The following CCDC178 variants were observed in gnomAD, a reference collection of about 807,000 sequenced individuals.
CCDC178 encodes coiled-coil domain containing 178.
In CCDC178, 126 loss-of-function variants were observed where a neutral mutation model predicts 117.4. The ratio of observed to expected loss-of-function variants is 1.07; its 90% confidence interval spans 0.93 to 1.24. The LOEUF is 1.24. Among genes scored for constraint, CCDC178 ranks in the 50% most tolerant of loss-of-function variants. CCDC178 has a pLI of 0.00. For missense variants in CCDC178, 1,030 were observed against 986.9 expected (o/e 1.04, Z -0.59); for synonymous variants, 283 against 313.4 (o/e 0.90, Z 1.02).
intron 16 of CCDC178, among the ~76,000 whole-genome samples, chr18:33,226,044 C>T (rs1466178129): frequency 6.6e-6 from 1 of 152,094 alleles, no homozygotes; most frequent in Non-Finnish European, 1.5e-5. Flanking sequence ...GCCTGTAATC[C>T]CAGCTACTCG....
At chr18:33,140,780 G>A (rs1304480528) in intron 20 of CCDC178, among the ~76,000 whole-genome samples, 1 of 152,184 alleles carries the variant, frequency 6.6e-6, no homozygotes, top group Non-Finnish European at 1.5e-5. Context: ...GGGAAGGCAT[G>A]ATTGGTTTTG....
chr18:33,245,710 A>G (rs920175226), intron 14 of CCDC178, among the ~76,000 whole-genome samples: 1 of 151,862 alleles, frequency 6.6e-6, no homozygotes, highest in African/African-American at 2.4e-5. Flanking sequence ...TGAACATTCA[A>G]AATCCCTTCT....
intron 20 of CCDC178, among the ~76,000 whole-genome samples, chr18:33,201,978 T>A (rs2058994268): frequency 6.6e-6 from 1 of 152,172 alleles, no homozygotes; most frequent in South Asian, 2.1e-4. Context: ...AAGGTTTTTA[T>A]GTGTTCCCCT....
chr18:33,054,719 C>T (rs1307620482), intron 21 of CCDC178, among the ~76,000 whole-genome samples: 1 of 152,170 alleles, frequency 6.6e-6, no homozygotes, highest in Non-Finnish European at 1.5e-5. Context: ...GTGAAGAGTG[C>T]TGCAGTGAAC....
rs2063397184 is a variant in CCDC178 at position 33,378,811 on chromosome 18, T to C, written c.209-8622A>G. Among the ~76,000 whole-genome samples the C allele has an allele frequency of 5.3e-5, 8 of 152,168 alleles. No individual in the cohort carries two copies. The South Asian group carries it at 1.7e-3, about 31-fold the overall frequency. ...TTACTTGATCATGGTGAATTAACTT[T>C]TTGATGTGCTGCTGGATTCAGTTTG... On this transcript the variant is annotated intron_variant, in intron 5 of 22. Transcript: ENST00000383096.
chr18:33,349,114 A>AT, intron 7 of CCDC178, 139 bp from the exon 8 acceptor site: 1 of 516,852 alleles, frequency 1.9e-6, no homozygotes, highest in Non-Finnish European at 3.4e-6. Flanking sequence ...ATAGGAGACT[A>AT]ATATAGCAAA....
At chr18:32,950,846 A>G (rs993808564) in intron 22 of CCDC178, among the ~76,000 whole-genome samples, 1 of 152,254 alleles carries the variant, frequency 6.6e-6, no homozygotes, top group Non-Finnish European at 1.5e-5. Context: ...ATTGTGATCA[A>G]CACAGAGTTT....
At chr18:33,031,223 T>C (rs1331823505) in intron 21 of CCDC178, among the ~76,000 whole-genome samples, 1 of 151,970 alleles carries the variant, frequency 6.6e-6, no homozygotes, top group Non-Finnish European at 1.5e-5. Flanking sequence ...ATGACTTTTT[T>C]ACTACATATT....
chr18:33,377,234 C>T (rs138933478), intron 5 of CCDC178, among the ~76,000 whole-genome samples: 3 of 152,184 alleles, frequency 2.0e-5, no homozygotes, highest in South Asian at 2.1e-4. Context: ...TGCTTGTTGG[C>T]CATGTGTATG....
At chr18:33,407,075 A>C (rs1264616261) in intron 3 of CCDC178, among the ~76,000 whole-genome samples, 1 of 152,192 alleles carries the variant, frequency 6.6e-6, no homozygotes, top group Non-Finnish European at 1.5e-5. Flanking sequence ...GCATGGCTGC[A>C]CATACATGCT....
At chr18:32,979,217 C>T (rs527961802) in intron 21 of CCDC178, among the ~76,000 whole-genome samples, 1 of 151,730 alleles carries the variant, frequency 6.6e-6, no homozygotes, top group Admixed American at 6.6e-5. Flanking sequence ...AGTGCAATGG[C>T]GCGATCTCAG....
intron 9 of CCDC178, among the ~76,000 whole-genome samples, chr18:33,338,094 T>A (rs2062765872): frequency 6.6e-6 from 1 of 152,008 alleles, no homozygotes; most frequent in South Asian, 2.1e-4. Context: ...GGGCTAAGGA[T>A]ATGAGTAGAC....
chr18:32,944,067 A>G, intron 22 of CCDC178, among the ~76,000 whole-genome samples: 1 of 149,840 alleles, frequency 6.7e-6, no homozygotes, highest in Non-Finnish European at 1.5e-5. Context: ...AGTAGCACAC[A>G]TTTTTTTTTT....
At chr18:33,165,369 AT>A (rs2058515970) in intron 20 of CCDC178, among the ~76,000 whole-genome samples, 1 of 152,070 alleles carries the variant, frequency 6.6e-6, no homozygotes, top group South Asian at 2.1e-4. Flanking sequence ...TTTACATTGT[AT>A]TAGGTATTAG....
intron 21 of CCDC178, among the ~76,000 whole-genome samples, chr18:33,047,193 T>C (rs1598824826): frequency 6.6e-6 from 1 of 152,268 alleles, no homozygotes; most frequent in South Asian, 2.1e-4. Context: ...TTCAGTCAGC[T>C]AAATAATCAG....
At chr18:33,363,961 G>A (rs2063164572) in intron 6 of CCDC178, among the ~76,000 whole-genome samples, 1 of 152,084 alleles carries the variant, frequency 6.6e-6, no homozygotes, top group South Asian at 2.1e-4. Flanking sequence ...CAGTGGGATT[G>A]ACTATGTGCT....
intron 20 of CCDC178, among the ~76,000 whole-genome samples, chr18:33,103,027 A>G (rs182662968): frequency 6.6e-6 from 1 of 151,910 alleles, no homozygotes; most frequent in East Asian, 1.9e-4. Context: ...AACCCCTACT[A>G]TAGAGTCTTA....
chr18:33,270,908 T>C (rs1199631408), intron 12 of CCDC178, among the ~76,000 whole-genome samples: 2 of 151,548 alleles, frequency 1.3e-5, no homozygotes, highest in Non-Finnish European at 3.0e-5. Context: ...TAATTGTAAA[T>C]TTCTGTTGAT....
At chr18:33,119,985 T>A (rs1318607452) in intron 20 of CCDC178, among the ~76,000 whole-genome samples, 4 of 149,820 alleles carry the variant, frequency 2.7e-5, no homozygotes, top group African/African-American at 2.5e-5. Context: ...AACTGAACAA[T>A]GAGAACACAT....
Sources: allele counts gnomAD v4.1 joint callset (sites outside exome capture counted in the v4.1 genomes callset), GRCh38; gene constraint gnomAD v4.1.1; transcripts MANE v1.5; gene names NCBI Gene and HGNC (gene_info 2026-07-23, HGNC 2026-07-21).